LAMP5: variants seen among roughly 807,000 people sequenced by gnomAD.
LAMP5 encodes the protein lysosome associated membrane protein 5, also known as lysosome-associated membrane glycoprotein 5.
A neutral mutation model predicts 30.2 loss-of-function variants in LAMP5; 36 were observed. The ratio of observed to expected loss-of-function variants is 1.19; its 90% CI spans 0.91 to 1.57. The LOEUF is 1.57. Ranked by LOEUF, LAMP5 falls within the 40% of genes most tolerant of loss-of-function variation. The pLI is 0.00. For missense variants in LAMP5, 377 were observed against 354.9 expected (o/e 1.06, Z -0.50); for synonymous variants, 149 against 134.6 (o/e 1.11, Z -0.74).
At chr20:9,527,355 A>G (rs532699849) in intron 5 of LAMP5, among the ~76,000 whole-genome samples, 1 of 152,312 alleles carries the variant, frequency 6.6e-6, no homozygotes, top group Admixed American at 6.5e-5. Flanking sequence ...TGTTAACCAG[A>G]TAATCTTTGT....
intron 5 of LAMP5, among the ~76,000 whole-genome samples, chr20:9,525,825 C>G (rs548814209): frequency 3.9e-5 from 6 of 152,326 alleles, no homozygotes; most frequent in Non-Finnish European, 8.8e-5. Flanking sequence ...AGAACACCAC[C>G]TGTCCATGTT....
intron 5 of LAMP5, among the ~76,000 whole-genome samples, chr20:9,524,651 A>G (rs976032241): frequency 6.6e-6 from 1 of 151,126 alleles, no homozygotes; most frequent in Admixed American, 6.6e-5. Context: ...GATGGTTTTC[A>G]GAATTCAGAA....
rs1423002221 is a variant in LAMP5 at position 9,529,923 on chromosome 20, A to G, written c.*103A>G. The G allele has an allele frequency of 8.5e-7, 1 of 1,175,954 alleles. No individual in the cohort carries two copies. 72.8% of individuals were successfully genotyped at this position (1,175,954 alleles called of 1,614,324 possible). The stretch of plus-strand genomic sequence containing the variant: ...GTACACGAGATACACCAACATAGCT[A>G]CAATCAAACAGGCCTGGGTATCTGA... On this transcript the variant is annotated 3_prime_UTR_variant, in exon 6 of 6. Coordinates refer to ENST00000246070, the MANE Select transcript of LAMP5 (RefSeq NM_012261.4).
At chr20:9,515,861 C>G (rs1264960837) in intron 2 of LAMP5, 139 bp from the exon 3 acceptor site, 1 of 1,062,504 alleles carries the variant, frequency 9.4e-7, no homozygotes, top group Non-Finnish European at 1.3e-6. Flanking sequence ...AGCATCTAAC[C>G]GCATGTTCCC....
intron 5 of LAMP5, among the ~76,000 whole-genome samples, chr20:9,526,858 GTGTA>G (rs1470517509): frequency 0.027 from 2,468 of 90,146 alleles, 70 homozygotes; most frequent in African/African-American, 0.088. Context: ...ATGTGTGTGT[GTGTA>G]TATATATATA....
intron 4 of LAMP5, among the ~76,000 whole-genome samples, chr20:9,516,981 T>C (rs1180339719): frequency 2.0e-5 from 3 of 152,160 alleles, no homozygotes; most frequent in Non-Finnish European, 4.4e-5. Context: ...AATATTCCTA[T>C]CTGCAGACAC....
At chr20:9,517,629 G>GTGTGTGTGTGTGTGTGTA (rs1370686923) in intron 4 of LAMP5, among the ~76,000 whole-genome samples, 2 of 151,866 alleles carry the variant, frequency 1.3e-5, no homozygotes, top group Admixed American at 1.3e-4. Flanking sequence ...GTATGTGTGT[G>GTGTGTGTGTGTGTGTGTA]TGTGTGTATT....
rs2045023557 is a variant in LAMP5, at chr20:9,514,895, CGAGTTCT to C, written c.44_50del (p.Arg15ProfsTer2). The stretch of plus-strand genomic sequence containing the variant: ...AGGGGTCCCCAGCATCGACAGACTT[CGAGTTCT>C]CCTGATGTTGTTCCGTGAGTAGCGA... On this transcript the variant is annotated frameshift_variant, in exon 1 of 6. Coordinates refer to ENST00000246070, the MANE Select transcript of LAMP5 (RefSeq NM_012261.4). LOFTEE classifies it high-confidence loss of function. 6.2e-7 allele frequency: 1 copy of C among 1,614,160 alleles called. No homozygotes were observed. Among genetic ancestry groups the C allele is most frequent in the East Asian group, 2.2e-5 (1 of 44,878 alleles).
intron 1 of LAMP5, chr20:9,515,136 C>T: frequency 3.3e-6 from 2 of 597,176 alleles, no homozygotes; most frequent in Non-Finnish European, 5.9e-6. Context: ...CCAGACAGAG[C>T]CTAGACAGGC....
chr20:9,527,247 C>T (rs888628791), intron 5 of LAMP5, among the ~76,000 whole-genome samples: 1 of 152,076 alleles, frequency 6.6e-6, no homozygotes. Context: ...GAGTTCAGAT[C>T]AGGCTTCATT....
intron 5 of LAMP5, among the ~76,000 whole-genome samples, chr20:9,521,073 A>G (rs1045189133): frequency 6.6e-6 from 1 of 152,170 alleles, no homozygotes; most frequent in Non-Finnish European, 1.5e-5. Flanking sequence ...AAGGCACAAT[A>G]AGCTTCATTG....
At chr20:9,526,404 T>C (rs961913215) in intron 5 of LAMP5, among the ~76,000 whole-genome samples, 6 of 152,350 alleles carry the variant, frequency 3.9e-5, no homozygotes, top group African/African-American at 1.4e-4. Flanking sequence ...CAGAGTGTTA[T>C]CATGAGGAAA....
Position 9,515,589 on chromosome 20 carries a change from T to C in LAMP5, c.201T>C (p.Ile67=). The change falls in exon 2 of 6, where the codon ATT becomes ATC. Residue 67 remains isoleucine (I), a synonymous_variant. Coordinates refer to ENST00000246070, the MANE Select transcript of LAMP5 (RefSeq NM_012261.4). ...TGGCAGAGTTTGCAGCCAAATTTAT[T>C]GTACCTTATGATGTGTGGGCCAGCA... ...CLMAEFAAKF[I]VPYDVWASNY... 2.5e-6 allele frequency: 4 copies of C among 1,614,166 alleles called. No homozygotes were observed. Among genetic ancestry groups the C allele is most frequent in the African/African-American group, 1.3e-5 (1 of 75,026 alleles).
In LAMP5 at chr20:9,518,107, G is replaced by C. The variant is rs769907848; in HGVS notation, c.543G>C (p.Glu181Asp). ...TCACCCCCGCTGGGAAGTCCTATGA[G>C]TGTCAAGCTCAACAAACCATTTCAC... ...ALVTPAGKSY[E>D]CQAQQTISLA... Residue 181 changes from glutamate to aspartate, a missense_variant, in exon 5 of 6, where the codon GAG becomes GAC. Physicochemically the swap from Glu to Asp is conservative, Grantham distance 45. Coordinates refer to ENST00000246070, the MANE Select transcript of LAMP5 (RefSeq NM_012261.4). 1.9e-6 allele frequency: 3 copies of C among 1,614,212 alleles called. No homozygotes were observed. In the South Asian group the frequency reaches 3.3e-5, roughly 18 times the overall value.
At chr20:9,519,849 A>T (rs2122836172) in intron 5 of LAMP5, among the ~76,000 whole-genome samples, 1 of 152,308 alleles carries the variant, frequency 6.6e-6, no homozygotes, top group East Asian at 1.9e-4. Context: ...CTGGTGCTAT[A>T]ATTGCTGCTT....
intron 5 of LAMP5, among the ~76,000 whole-genome samples, chr20:9,525,273 T>C (rs949183662): frequency 1.3e-5 from 2 of 152,178 alleles, no homozygotes; most frequent in African/African-American, 4.8e-5. Context: ...ACTCCCATAT[T>C]TAAAAGAAGT....
chr20:9,517,536 G>A (rs2045049657), intron 4 of LAMP5, among the ~76,000 whole-genome samples: 1 of 151,612 alleles, frequency 6.6e-6, no homozygotes, highest in African/African-American at 2.4e-5. Flanking sequence ...TAAGCTACTG[G>A]GCTCAAGAGA....
intron 5 of LAMP5, among the ~76,000 whole-genome samples, chr20:9,526,856 GTGTGTATATA>G (rs1403405165): frequency 4.0e-5 from 3 of 75,650 alleles, no homozygotes; most frequent in Admixed American, 1.4e-4. Flanking sequence ...ATATGTGTGT[GTGTGTATATA>G]TATATATATA....
At chr20:9,516,421 G>A in intron 4 of LAMP5, 60 bp downstream of exon 4, 2 of 1,357,958 alleles carry the variant, frequency 1.5e-6, no homozygotes, top group Non-Finnish European at 2.1e-6. Context: ...CAGGCTTGGA[G>A]AGAGAATTCC....
Sources: gnomAD v4.1 joint callset for allele counts (sites outside exome capture counted in the v4.1 genomes callset) on GRCh38, gnomAD v4.1.1 for gene constraint, MANE v1.5 for transcripts, NCBI Gene and HGNC (gene_info 2026-07-23, HGNC 2026-07-21) for gene names.